The following EEPD1 variants were observed in gnomAD, a reference collection of about 807,000 sequenced individuals.
EEPD1 encodes endonuclease/exonuclease/phosphatase family domain containing 1.
Under a neutral mutation model 46.3 loss-of-function variants are expected in EEPD1, and 17 were observed. The observed-to-expected ratio is 0.37, with a 90% confidence interval of 0.25 to 0.55. The LOEUF is 0.55. Ranked by LOEUF, EEPD1 falls within the 20% of genes least tolerant of loss-of-function variation. The pLI, the probability that EEPD1 is intolerant of heterozygous loss-of-function variation, is 0.83. For missense variants in EEPD1, 673 were observed against 745.6 expected (o/e 0.90, Z 1.13); for synonymous variants, 313 against 315.6 (o/e 0.99, Z 0.09).
At chr7:36,280,763 C>A (rs898898112) in intron 3 of EEPD1, among the ~76,000 whole-genome samples, 2 of 152,166 alleles carry the variant, frequency 1.3e-5, no homozygotes, top group African/African-American at 4.8e-5. Context: ...TGATCCAGAT[C>A]CTCCTGGGAC....
intron 2 of EEPD1, among the ~76,000 whole-genome samples, chr7:36,224,002 A>C (rs1021895784): frequency 6.6e-6 from 1 of 152,206 alleles, no homozygotes. Context: ...CTTTTCTTCC[A>C]AATTTTCCAG....
intron 3 of EEPD1, among the ~76,000 whole-genome samples, chr7:36,242,786 A>C (rs1786575640): frequency 6.7e-6 from 1 of 148,988 alleles, no homozygotes; most frequent in South Asian, 2.1e-4. Context: ...AAAAAAAAAA[A>C]AGCCAGGTGT....
chr7:36,191,628 GA>G (rs1206791853), intron 2 of EEPD1, among the ~76,000 whole-genome samples: 1 of 152,214 alleles, frequency 6.6e-6, no homozygotes, highest in East Asian at 1.9e-4. Flanking sequence ...CCACACAGAA[GA>G]AGAGAGAAGA....
At chr7:36,191,824 A>G (rs1229652529) in intron 2 of EEPD1, among the ~76,000 whole-genome samples, 1 of 152,168 alleles carries the variant, frequency 6.6e-6, no homozygotes, top group East Asian at 1.9e-4. Context: ...GAAATTGCTC[A>G]TTTCTGTTAG....
At chr7:36,173,174 A>T (rs182866593) in intron 2 of EEPD1, among the ~76,000 whole-genome samples, 138 of 152,120 alleles carry the variant, frequency 9.1e-4, no homozygotes, top group African/African-American at 3.2e-3. Flanking sequence ...GGTTTCCCCC[A>T]TGCTGTTCTC....
At chr7:36,199,994 T>G (rs1785687567) in intron 2 of EEPD1, among the ~76,000 whole-genome samples, 1 of 152,118 alleles carries the variant, frequency 6.6e-6, no homozygotes, top group Admixed American at 6.5e-5. Context: ...TTATTTTAGG[T>G]TCAGGGGTAC....
chr7:36,256,606 G>T (rs930031354), intron 3 of EEPD1, among the ~76,000 whole-genome samples: 2 of 151,916 alleles, frequency 1.3e-5, no homozygotes, highest in Non-Finnish European at 2.9e-5. Context: ...GATCTTTGTT[G>T]GTTTAAAGTC....
At chr7:36,279,127 CTTTG>C (rs1787223785) in intron 3 of EEPD1, among the ~76,000 whole-genome samples, 1 of 148,604 alleles carries the variant, frequency 6.7e-6, no homozygotes, top group Non-Finnish European at 1.5e-5. Flanking sequence ...CCTGCCCCTG[CTTTG>C]TTTGTCATGC....
At chr7:36,295,788 T>G (rs949945066) in intron 6 of EEPD1, among the ~76,000 whole-genome samples, 1 of 152,118 alleles carries the variant, frequency 6.6e-6, no homozygotes, top group East Asian at 1.9e-4. Flanking sequence ...CCCAGCACTT[T>G]GGGAGGGAGA....
chr7:36,286,444 C>A (rs10951470), intron 5 of EEPD1, among the ~76,000 whole-genome samples: 25,770 of 152,190 alleles, frequency 0.17, 2,429 homozygotes, highest in East Asian at 0.38. Flanking sequence ...TTCCCCTATA[C>A]CCCTTCCCTT....
chr7:36,205,183 C>G (rs1785789122), intron 2 of EEPD1, among the ~76,000 whole-genome samples: 1 of 152,084 alleles, frequency 6.6e-6, no homozygotes, highest in Non-Finnish European at 1.5e-5. Flanking sequence ...AGGATAGAGA[C>G]AACACAAACA....
chr7:36,166,805 G>A (rs968449406), intron 2 of EEPD1, among the ~76,000 whole-genome samples: 6 of 152,172 alleles, frequency 3.9e-5, no homozygotes, highest in Middle Eastern at 3.4e-3. Flanking sequence ...GGCTTTTTCC[G>A]CAGAGAGGGA....
intron 2 of EEPD1, among the ~76,000 whole-genome samples, chr7:36,197,240 TG>T (rs1377379513): frequency 1.5e-5 from 2 of 134,312 alleles, no homozygotes; most frequent in Non-Finnish European, 3.1e-5. Flanking sequence ...GGGAGGGAGG[TG>T]GGGGGGTCAG....
intron 3 of EEPD1, among the ~76,000 whole-genome samples, chr7:36,249,560 G>A (rs1354400283): frequency 6.6e-6 from 1 of 152,178 alleles, no homozygotes; most frequent in Admixed American, 6.5e-5. Flanking sequence ...CTACCCAAGG[G>A]CCTAGTATAT....
Position 36,301,019 on chromosome 7 carries a change from A to G in EEPD1, c.*1813A>G, listed in dbSNP as rs1787615119. 1 of 152,238 alleles carries G rather than the reference A, an allele frequency of 6.6e-6. No homozygotes were observed. The highest frequency in any genetic ancestry group is 2.4e-5 in the African/African-American group (1 of 41,448). The allele number at this position is 152,238 out of a possible 1,614,324, so 9.4% of individuals were successfully genotyped here. A position where few individuals can be genotyped will look rare whatever the true frequency, so the allele number is the denominator to read the frequency against. On this transcript the variant is annotated 3_prime_UTR_variant, in exon 8 of 8. Transcript: ENST00000242108. The stretch of plus-strand genomic sequence containing the variant: ...CATCTAAAGGTGAAACCTCCCCTAC[A>G]TTCACCAGCCGGATGTCCCAAATCC...
In EEPD1 at chr7:36,299,242, G is replaced by A; in HGVS notation, c.*36G>A. On this transcript the variant is annotated 3_prime_UTR_variant, in exon 8 of 8. Transcript: ENST00000242108. The stretch of plus-strand genomic sequence containing the variant: ...TCCATGTGTCCACCCTGGGACCCAG[G>A]AGGGCACAGCCAAGGAATGAGCCCT... The A allele has an allele frequency of 6.2e-7, 1 of 1,601,406 alleles. No homozygotes were observed. Among genetic ancestry groups the A allele is most frequent in the Non-Finnish European group, 8.5e-7 (1 of 1,173,714 alleles).
At chr7:36,297,351 G>T (rs1787544148) in intron 7 of EEPD1, among the ~76,000 whole-genome samples, 164 bp downstream of exon 7, 1 of 152,166 alleles carries the variant, frequency 6.6e-6, no homozygotes, top group Non-Finnish European at 1.5e-5. Context: ...AGGAATCCAG[G>T]CCCCTGTCAG....
chr7:36,264,743 G>A (rs1460877402), intron 3 of EEPD1, among the ~76,000 whole-genome samples: 2 of 152,032 alleles, frequency 1.3e-5, no homozygotes, highest in Admixed American at 6.5e-5. Flanking sequence ...AAGAGCTTGC[G>A]GCCAAAAATT....
chr7:36,273,677 A>G (rs1309217809), intron 3 of EEPD1, among the ~76,000 whole-genome samples: 1 of 152,032 alleles, frequency 6.6e-6, no homozygotes, highest in African/African-American at 2.4e-5. Context: ...GAGTTCTAGA[A>G]TCATGCACTT....
Sources: gnomAD v4.1 joint callset for allele counts (sites outside exome capture counted in the v4.1 genomes callset) on GRCh38, gnomAD v4.1.1 for gene constraint, MANE v1.5 for transcripts, NCBI Gene and HGNC (gene_info 2026-07-23, HGNC 2026-07-21) for gene names.